NECAB2: variants seen among roughly 807,000 people sequenced by gnomAD.
The protein encoded by NECAB2 is N-terminal EF-hand calcium-binding protein 2.
A neutral mutation model predicts 51.9 loss-of-function variants in NECAB2; 68 were observed. That is an observed-to-expected ratio of 1.31 (90% CI 1.08 to 1.60). NECAB2 has a LOEUF of 1.60. Ranked by LOEUF, NECAB2 falls within the 40% of genes most tolerant of loss-of-function variation. The pLI, the probability that NECAB2 is intolerant of heterozygous loss-of-function variation, is 0.00. For synonymous variants in NECAB2, 329 were observed against 203.5 expected, an observed-to-expected ratio of 1.62 and a Z score of -5.25; for missense variants, 854 against 490.3, an observed-to-expected ratio of 1.74 and a Z score of -7.00.
chr16:83,998,841 G>A (rs189298894), intron 10 of NECAB2, among the ~76,000 whole-genome samples: 39 of 152,270 alleles, frequency 2.6e-4, no homozygotes, highest in South Asian at 8.3e-4. Context: ...CGGGGCAAGC[G>A]GCCTTACCTT....
intron 8 of NECAB2, among the ~76,000 whole-genome samples, chr16:83,996,808 A>G (rs527463892): frequency 6.6e-6 from 1 of 152,130 alleles, no homozygotes; most frequent in African/African-American, 2.4e-5. Flanking sequence ...AGTCTGGAAG[A>G]TTGTGTATTT....
intron 5 of NECAB2, among the ~76,000 whole-genome samples, chr16:83,982,376 C>G (rs1165546488): frequency 6.6e-6 from 1 of 152,178 alleles, no homozygotes. Context: ...AAGACCTGCT[C>G]CCTTCAAGTA....
At chr16:83,975,239 C>T (rs1313942221) in intron 2 of NECAB2, among the ~76,000 whole-genome samples, 7 of 134,660 alleles carry the variant, frequency 5.2e-5, no homozygotes, top group African/African-American at 1.2e-4. Flanking sequence ...GGTGTTGGTG[C>T]GGGAATGTGA....
chr16:83,984,162 A>G (rs1597208655), intron 5 of NECAB2, among the ~76,000 whole-genome samples: 4 of 151,706 alleles, frequency 2.6e-5, no homozygotes, highest in South Asian at 2.1e-4. Flanking sequence ...CGCCTGGCTA[A>G]TTTTTTGTAT....
intron 1 of NECAB2, among the ~76,000 whole-genome samples, chr16:83,969,575 C>G (rs2084326746): frequency 6.6e-6 from 1 of 152,094 alleles, no homozygotes; most frequent in Non-Finnish European, 1.5e-5. Context: ...CCCCTCACCC[C>G]TCCTAACTCC....
In NECAB2 at chr16:83,994,304, A is replaced by G. The variant is rs1245732400; in HGVS notation, c.599A>G (p.Gln200Arg). The G allele has an allele frequency of 6.2e-7, 1 of 1,614,236 alleles. No individual in the cohort carries two copies. Among genetic ancestry groups the G allele is most frequent in the African/African-American group, 1.3e-5 (1 of 75,070 alleles). The change falls in exon 7 of 13, where the codon CAG becomes CGG. Residue 200 changes from glutamine to arginine, a missense_variant and splice_region_variant. Coordinates refer to ENST00000305202, the MANE Select transcript of NECAB2 (RefSeq NM_019065.3). The part of the protein sequence containing the change: ...AIEEQTSQLR[Q>R]NHIKPSHSAA... ...GTGTGTTCCCATCCAAACTGCAGACAGAACCACATCAAACCCAGCCACAGC... is the reference window on the plus strand; with the variant it reads ...GTGTGTTCCCATCCAAACTGCAGACGGAACCACATCAAACCCAGCCACAGC...
At chr16:83,994,723 C>G (rs1163554182) in intron 8 of NECAB2, 35 bp downstream of exon 8, 2 of 1,609,476 alleles carry the variant, frequency 1.2e-6, no homozygotes, top group South Asian at 1.1e-5. Context: ...TCTACTCCTT[C>G]CAACCCCTGA....
At chr16:84,000,629 G>C (rs1261589764) in intron 10 of NECAB2, 95 bp from the exon 11 acceptor site, 2 of 939,094 alleles carry the variant, frequency 2.1e-6, no homozygotes, top group East Asian at 2.4e-5. Context: ...CAGCCGTTGT[G>C]TATAGTGGTG....
chr16:83,999,646 A>C (rs1320794904), intron 10 of NECAB2, among the ~76,000 whole-genome samples: 2 of 151,852 alleles, frequency 1.3e-5, no homozygotes, highest in East Asian at 3.9e-4. Flanking sequence ...TGCAGAGAGG[A>C]TTCTGGGGCG....
At chr16:83,971,966 G>C in intron 1 of NECAB2, 185 bp from the exon 2 acceptor site, 1 of 747,712 alleles carries the variant, frequency 1.3e-6, no homozygotes, top group African/African-American at 1.8e-5. Context: ...GCCTCTGTCT[G>C]CAACATCCCT....
chr16:83,986,385 G>C (rs1253858890), intron 5 of NECAB2, among the ~76,000 whole-genome samples: 2 of 152,216 alleles, frequency 1.3e-5, no homozygotes, highest in Non-Finnish European at 2.9e-5. Flanking sequence ...AGAATTGAAA[G>C]AACTTGTGCA....
intron 10 of NECAB2, among the ~76,000 whole-genome samples, chr16:83,999,270 G>T (rs969524487): frequency 1.7e-5 from 2 of 120,844 alleles, no homozygotes; most frequent in African/African-American, 4.2e-5. Flanking sequence ...AGCCAGGATG[G>T]GGGGGCAGGA....
intron 10 of NECAB2, among the ~76,000 whole-genome samples, chr16:83,998,685 G>A (rs2084757718): frequency 6.6e-6 from 1 of 152,212 alleles, no homozygotes; most frequent in Admixed American, 6.5e-5. Flanking sequence ...TGCTGTCACA[G>A]GGGTTCCTGC....
In NECAB2 at chr16:83,981,126, AG is replaced by A; in HGVS notation, c.459+1del. The A allele has an allele frequency of 1.9e-6, 3 of 1,612,396 alleles. No individual in the cohort carries two copies. The highest frequency in any genetic ancestry group is 2.5e-6 in the Non-Finnish European group (3 of 1,179,644). ...SVLKAMGYTK[K>X]VYEGGSNVDQ... is the part of the protein sequence containing the mutation. ...CTGAAGGCCATGGGTTATACCAAGA[AG>A]GTCAGTGGGTGTAGGTGGCCCCCGG... On this transcript the variant is annotated frameshift_variant and splice_region_variant, in exon 5 of 13. Transcript: ENST00000305202. LOFTEE classifies it high-confidence loss of function.
At chr16:83,976,241 C>T (rs2084408850) in intron 2 of NECAB2, among the ~76,000 whole-genome samples, 1 of 152,306 alleles carries the variant, frequency 6.6e-6, no homozygotes, top group South Asian at 2.1e-4. Flanking sequence ...GCGATGTCGC[C>T]ACAAGATCCT....
At chr16:84,001,940 G>A (rs1373219932) in intron 12 of NECAB2, 24 bp downstream of exon 12, 2 of 1,608,934 alleles carry the variant, frequency 1.2e-6, no homozygotes, top group African/African-American at 1.3e-5. Flanking sequence ...GCCTGGAACT[G>A]CAGTGGCCAC....
chr16:84,000,458 G>C (rs1242553310), intron 10 of NECAB2, among the ~76,000 whole-genome samples: 1 of 152,164 alleles, frequency 6.6e-6, no homozygotes, highest in Non-Finnish European at 1.5e-5. Context: ...ACTCCAGCCT[G>C]GGCAACAGAG....
chr16:83,966,907 C>G (rs571369507), upstream of NECAB2, among the ~76,000 whole-genome samples: 1 of 152,200 alleles, frequency 6.6e-6, no homozygotes, highest in African/African-American at 2.4e-5. Context: ...GACAGAGTCT[C>G]ATTTTGTCAC....
At chr16:83,974,504 C>G (rs114510663) in intron 2 of NECAB2, among the ~76,000 whole-genome samples, 2 of 152,138 alleles carry the variant, frequency 1.3e-5, no homozygotes, top group African/African-American at 4.8e-5. Flanking sequence ...GGAATTCGGT[C>G]TGGGGGAGGC....
Sources: allele counts gnomAD v4.1 joint callset (sites outside exome capture counted in the v4.1 genomes callset), GRCh38; gene constraint gnomAD v4.1.1; transcripts MANE v1.5; gene names NCBI Gene and HGNC (gene_info 2026-07-23, HGNC 2026-07-21).